NLGN1: variants seen among roughly 807,000 people sequenced by gnomAD.
The protein encoded by NLGN1 is neuroligin 1.
In NLGN1, 12 loss-of-function variants were observed where a neutral mutation model predicts 65.5. That is an observed-to-expected ratio of 0.18 (90% confidence interval 0.12 to 0.30). The LOEUF is 0.30. Ranked by LOEUF, NLGN1 falls within the 10% of genes least tolerant of loss-of-function variation. The pLI is 1.00. For missense variants in NLGN1, 750 were observed against 1,007.1 expected, an observed-to-expected ratio of 0.74 and a Z score of 3.46; for synonymous variants, 350 against 359.5, an observed-to-expected ratio of 0.97 and a Z score of 0.30.
At chr3:173,677,639 T>C (rs1397884490) in intron 3 of NLGN1, among the ~76,000 whole-genome samples, 2 of 152,128 alleles carry the variant, frequency 1.3e-5, no homozygotes, top group South Asian at 2.1e-4. Flanking sequence ...TTATGCATTC[T>C]AAACATACAT....
exon 7 of NLGN1, chr3:174,284,631 G>A (rs1429404542): frequency 6.6e-6 from 1 of 151,196 alleles, no homozygotes; most frequent in Non-Finnish European, 1.5e-5. Flanking sequence ...TATGAGGATA[G>A]AAAAATAAAA....
intron 3 of NLGN1, among the ~76,000 whole-genome samples, chr3:173,799,763 A>G (rs1458698054): frequency 2.0e-5 from 3 of 151,944 alleles, no homozygotes; most frequent in African/African-American, 7.2e-5. Context: ...TGAAAAATGT[A>G]TGGATTAAAA....
chr3:173,860,931 A>G (rs1417937063), intron 4 of NLGN1, among the ~76,000 whole-genome samples: 1 of 152,198 alleles, frequency 6.6e-6, no homozygotes, highest in Non-Finnish European at 1.5e-5. Context: ...GGACAGATGT[A>G]TGAGACCATC....
intron 4 of NLGN1, among the ~76,000 whole-genome samples, chr3:173,820,470 A>T (rs1389193750): frequency 1.3e-5 from 2 of 152,206 alleles, no homozygotes; most frequent in African/African-American, 4.8e-5. Context: ...AAAATGCAGT[A>T]ATCCCCCCTT....
At chr3:174,062,250 G>A (rs549676134) in intron 4 of NLGN1, among the ~76,000 whole-genome samples, 3 of 151,932 alleles carry the variant, frequency 2.0e-5, no homozygotes, top group African/African-American at 4.8e-5. Context: ...GACAATGGGC[G>A]GTTACTGACA....
intron 4 of NLGN1, among the ~76,000 whole-genome samples, chr3:173,880,079 CAA>C (rs1732924820): frequency 6.6e-6 from 1 of 151,812 alleles, no homozygotes; most frequent in South Asian, 2.1e-4. Flanking sequence ...TGTGAAAATC[CAA>C]AAAGATTTTC....
chr3:174,245,062 T>C (rs1192472092), intron 4 of NLGN1, among the ~76,000 whole-genome samples: 1 of 152,148 alleles, frequency 6.6e-6, no homozygotes, highest in Non-Finnish European at 1.5e-5. Context: ...AGGTGTTTTA[T>C]AAGGATGTTC....
chr3:174,240,790 T>G (rs1742644109), intron 4 of NLGN1, among the ~76,000 whole-genome samples: 1 of 152,218 alleles, frequency 6.6e-6, no homozygotes, highest in Non-Finnish European at 1.5e-5. Flanking sequence ...ACATGTTATA[T>G]GTAAGAGAAT....
intron 4 of NLGN1, among the ~76,000 whole-genome samples, chr3:173,878,130 C>T (rs1732488254): frequency 6.6e-6 from 1 of 152,082 alleles, no homozygotes; most frequent in East Asian, 1.9e-4. Flanking sequence ...CAACCTCTGC[C>T]TCCCGGGTTC....
In NLGN1 at chr3:174,280,739, C is replaced by T; in HGVS notation, c.1908C>T (p.Phe636=). Residue 636 remains phenylalanine, a synonymous_variant, in exon 7 of 7, where the codon TTC becomes TTT. Coordinates refer to ENST00000457714, the Ensembl canonical transcript of NLGN1. This position sits in a 1 kb window ranked among gnomAD's most constrained non-coding sequence, Gnocchi z 4.9. ...AAGTGCCATCAACTGACATCACTTT[C>T]AGACCTACGAGAAAAAATTCTGTAC... 1.9e-6 allele frequency: 3 copies of T among 1,613,378 alleles called. No individual in the cohort carries two copies. The highest frequency in any genetic ancestry group is 2.5e-6 in the Non-Finnish European group (3 of 1,179,560).
chr3:173,818,499 C>T lies in NLGN1; in HGVS notation c.646+10667C>T, dbSNP rs577217924. 3.0e-4 allele frequency among the ~76,000 whole-genome samples: 45 copies of T among 152,140 alleles called. 1 individual carries two copies. The highest frequency in any genetic ancestry group is 1.1e-3 in the African/African-American group (44 of 41,500). ...CAGAACAAATCGTTTAAAAAAGCAA[C>T]TGTGGAAAAATGCAAAATCCAGACA... On this transcript the variant is annotated intron_variant, in intron 4 of 6. Coordinates refer to ENST00000457714, the Ensembl canonical transcript of NLGN1.
In NLGN1 at chr3:173,604,440, TG is replaced by T; in HGVS notation, c.-156del. The T allele has an allele frequency of 1.4e-6, 1 of 723,768 alleles. No homozygotes were observed. Among genetic ancestry groups the T allele is most frequent in the Non-Finnish European group, 2.4e-6 (1 of 423,470 alleles). The allele number at this position is 723,768 out of a possible 1,614,324, so 44.8% of individuals were successfully genotyped here. On this transcript the variant is annotated 5_prime_UTR_variant, in exon 3 of 7. The change creates a premature stop within an existing upstream ORF in the 5' untranslated region. Coordinates refer to ENST00000457714, the Ensembl canonical transcript of NLGN1. ...GCTGCTCCAATACATGTGAAATCAA[TG>T]GGAGATATCTGCTGTCTGAAGATCT...
intron 4 of NLGN1, among the ~76,000 whole-genome samples, chr3:173,900,241 ACT>A (rs1320206219): frequency 6.6e-6 from 1 of 152,080 alleles, no homozygotes; most frequent in Non-Finnish European, 1.5e-5. Flanking sequence ...AGTTTTATAA[ACT>A]CTGTTTTGTT....
At chr3:173,484,846 G>C (rs1576915591) in intron 2 of NLGN1, among the ~76,000 whole-genome samples, 1 of 152,032 alleles carries the variant, frequency 6.6e-6, no homozygotes, top group Non-Finnish European at 1.5e-5. Context: ...TGATGCTTTT[G>C]TTTCTTAGGG....
At chr3:174,046,714 G>A (rs374963747) in intron 4 of NLGN1, among the ~76,000 whole-genome samples, 3 of 152,006 alleles carry the variant, frequency 2.0e-5, no homozygotes, top group Admixed American at 1.3e-4. Flanking sequence ...CCTAAACCAT[G>A]CCTATTTATA....
chr3:174,199,774 G>A lies in NLGN1; in HGVS notation c.647-75541G>A, dbSNP rs115423405. ...GGCATTTATTAGATGCCTATCATGT[G>A]GGAAGCACAGTTCTACAAGATTTTC... On this transcript the variant is annotated intron_variant, in intron 4 of 6. Coordinates refer to ENST00000457714, the Ensembl canonical transcript of NLGN1. 3.3e-3 allele frequency among the ~76,000 whole-genome samples: 497 copies of A among 152,206 alleles called. 2 individuals carry two copies. The highest frequency in any genetic ancestry group is 0.011 in the African/African-American group (453 of 41,518).
intron 4 of NLGN1, among the ~76,000 whole-genome samples, chr3:174,228,313 T>C (rs1740094915): frequency 6.6e-6 from 1 of 151,990 alleles, no homozygotes; most frequent in Non-Finnish European, 1.5e-5. Flanking sequence ...TCCTGTAGAG[T>C]AAGATAGAAC....
At chr3:173,442,555 G>T (rs186364155) in intron 2 of NLGN1, among the ~76,000 whole-genome samples, 1 of 152,214 alleles carries the variant, frequency 6.6e-6, no homozygotes, top group Admixed American at 6.5e-5. Flanking sequence ...ACTGGATAGG[G>T]ATGTTTGTAT....
chr3:174,048,085 A>G (rs1316023949), intron 4 of NLGN1, among the ~76,000 whole-genome samples: 1 of 152,116 alleles, frequency 6.6e-6, no homozygotes, highest in African/African-American at 2.4e-5. Flanking sequence ...CTCCATACTC[A>G]GCAAGGAGAG....
Sources: allele counts gnomAD v4.1 joint callset (sites outside exome capture counted in the v4.1 genomes callset), GRCh38; gene constraint gnomAD v4.1.1; non-coding constraint Gnocchi (gnomAD v3.1); transcripts MANE v1.5; gene names NCBI Gene and HGNC (gene_info 2026-07-23, HGNC 2026-07-21).